The following LRRN3 variants were observed in gnomAD, a reference collection of about 807,000 sequenced individuals.
LRRN3 encodes the protein leucine rich repeat neuronal 3.
LRRN3 carries 15 observed loss-of-function variants against 40.1 expected under a neutral mutation model. That is an observed-to-expected ratio of 0.37 (90% CI 0.25 to 0.58). The LOEUF is 0.58. Among genes scored for constraint, LRRN3 ranks in the 20% least tolerant of loss-of-function variants. LRRN3 has a pLI of 0.72. For missense variants in LRRN3, 746 were observed against 837.7 expected (o/e 0.89, Z 1.35); for synonymous variants, 308 against 297.2 (o/e 1.04, Z -0.37).
intron 1 of LRRN3, among the ~76,000 whole-genome samples, chr7:111,093,366 G>T (rs898451784): frequency 1.3e-5 from 2 of 152,154 alleles, no homozygotes; most frequent in African/African-American, 4.8e-5. Flanking sequence ...TGCTGCTTTT[G>T]AAACAGACCA....
chr7:111,123,605 G>A lies in LRRN3; in HGVS notation c.833G>A (p.Gly278Asp). ...AATCCTATTAATAGAATACGAAGGG[G>A]TGATTTTAGCAATATGCTACACTTA... ...NKNPINRIRR[G>D]DFSNMLHLKE... Residue 278 changes from glycine to aspartate, a missense_variant, in exon 3 of 3, where the codon GGT becomes GAT. Physicochemically the swap from Gly to Asp is moderately conservative, Grantham distance 94. Transcript: ENST00000308478. The surrounding 1 kb of genome is among the most constrained non-coding windows in gnomAD (Gnocchi z 6.4). The A allele has an allele frequency of 6.2e-7, 1 of 1,613,296 alleles. No individual in the cohort carries two copies. Among genetic ancestry groups the A allele is most frequent in the Non-Finnish European group, 8.5e-7 (1 of 1,179,508 alleles).
intron 2 of LRRN3, among the ~76,000 whole-genome samples, chr7:111,110,328 T>C (rs1164269049): frequency 6.6e-6 from 1 of 152,186 alleles, no homozygotes; most frequent in Non-Finnish European, 1.5e-5. Flanking sequence ...CTAATATTTT[T>C]CAAGTCCATA....
intron 1 of LRRN3, among the ~76,000 whole-genome samples, chr7:111,094,515 C>T (rs1370227555): frequency 6.6e-6 from 1 of 152,124 alleles, no homozygotes; most frequent in African/African-American, 2.4e-5. Flanking sequence ...AGTTTAGCTA[C>T]TTATGTATCA....
rs78850537 is a variant in LRRN3 at position 111,119,949 on chromosome 7, G to T, written c.-358-2466G>T. Among the ~76,000 whole-genome samples, 3 of 152,308 alleles carry T rather than the reference G, an allele frequency of 2.0e-5. No homozygotes were observed. In the East Asian group the frequency reaches 5.8e-4, roughly 29 times the overall value. On this transcript the variant is annotated intron_variant, in intron 2 of 2. Coordinates refer to ENST00000308478, the MANE Select transcript of LRRN3 (RefSeq NM_001099658.2). The stretch of plus-strand genomic sequence containing the variant: ...CTTGTATGAAAGACTTCCCAGAGGG[G>T]AGATTCTTGAACTGAGGTTTGAAAA...
chr7:111,109,809 T>G (rs1798981735), intron 2 of LRRN3, among the ~76,000 whole-genome samples: 1 of 152,138 alleles, frequency 6.6e-6, no homozygotes, highest in Non-Finnish European at 1.5e-5. Context: ...TGTTATATGA[T>G]GGAAAACTGA....
chr7:111,118,118 A>C (rs1261658810), intron 2 of LRRN3, among the ~76,000 whole-genome samples: 1 of 152,148 alleles, frequency 6.6e-6, no homozygotes, highest in Non-Finnish European at 1.5e-5. Context: ...AGCATTGCAC[A>C]CATTTTTATT....
chr7:111,093,907 G>C (rs1436723872), intron 1 of LRRN3, among the ~76,000 whole-genome samples: 1 of 152,156 alleles, frequency 6.6e-6, no homozygotes, highest in Admixed American at 6.5e-5. Flanking sequence ...GCAACATGCT[G>C]AGTTAGAATG....
chr7:111,098,409 C>A (rs1480420252), intron 1 of LRRN3, among the ~76,000 whole-genome samples: 2 of 151,698 alleles, frequency 1.3e-5, no homozygotes, highest in East Asian at 3.9e-4. Flanking sequence ...ATATCAAAGT[C>A]TCATTTTTAT....
At chr7:111,094,826 T>A (rs547854825) in intron 1 of LRRN3, among the ~76,000 whole-genome samples, 3 of 152,206 alleles carry the variant, frequency 2.0e-5, no homozygotes, top group East Asian at 3.9e-4. Flanking sequence ...ATAAAGACAG[T>A]AGCTGGTGCC....
At chr7:111,116,945 C>A (rs138691520) in intron 2 of LRRN3, among the ~76,000 whole-genome samples, 1 of 152,260 alleles carries the variant, frequency 6.6e-6, no homozygotes, top group Non-Finnish European at 1.5e-5. Context: ...GAATTCACAT[C>A]TGAATTTAGA....
At chr7:111,103,910 A>G (rs915135945) in intron 2 of LRRN3, among the ~76,000 whole-genome samples, 4 of 151,578 alleles carry the variant, frequency 2.6e-5, no homozygotes, top group Non-Finnish European at 5.9e-5. Context: ...GGCTGCTTCT[A>G]TTGAACACCA....
intron 2 of LRRN3, among the ~76,000 whole-genome samples, chr7:111,113,253 C>G (rs1281181877): frequency 6.6e-6 from 1 of 152,196 alleles, no homozygotes; most frequent in Admixed American, 6.5e-5. Context: ...TTCTGTCAAA[C>G]TGAGTTAATC....
rs930005960 is a variant in LRRN3 at position 111,100,669 on chromosome 7, T to C, written c.-359+707T>C. On this transcript the variant is annotated intron_variant, in intron 2 of 2. Transcript: ENST00000308478. The stretch of plus-strand genomic sequence containing the variant: ...GTTGAAAATGCATAGAGCCAAAAGA[T>C]AAAAATTTAGGCTCTGGCTGAACTG... Among the ~76,000 whole-genome samples the C allele has an allele frequency of 7.7e-4, 116 of 151,356 alleles. 1 individual carries two copies. The highest frequency in any genetic ancestry group is 2.1e-4 in the Non-Finnish European group (14 of 67,578).
intron 2 of LRRN3, among the ~76,000 whole-genome samples, chr7:111,111,408 C>T (rs920820700): frequency 6.6e-6 from 1 of 151,114 alleles, no homozygotes; most frequent in South Asian, 2.1e-4. Context: ...TCCATCCCCC[C>T]CCAAAAAAAA....
In LRRN3 at chr7:111,123,924, C is replaced by T. The variant is rs142935034; in HGVS notation, c.1152C>T (p.Thr384=). The T allele has an allele frequency of 1.2e-5, 19 of 1,613,830 alleles. No individual in the cohort carries two copies. The highest frequency in any genetic ancestry group is 1.5e-5 in the Non-Finnish European group (18 of 1,179,990). Residue 384 remains threonine, a synonymous_variant, in exon 3 of 3, where the codon ACC becomes ACT. Coordinates refer to ENST00000308478, the MANE Select transcript of LRRN3 (RefSeq NM_001099658.2). The surrounding 1 kb of genome is among the most constrained non-coding windows in gnomAD (Gnocchi z 6.4). ...CVIRWMNMNK[T]NIRFMEPDSL... ...TCCGTTGGATGAACATGAACAAAAC[C>T]AACATTCGATTCATGGAGCCAGATT...
intron 2 of LRRN3, among the ~76,000 whole-genome samples, chr7:111,108,091 T>G (rs1798753241): frequency 6.6e-6 from 1 of 152,144 alleles, no homozygotes; most frequent in South Asian, 2.1e-4. Flanking sequence ...CAGTGTCTTC[T>G]GTAAGTGTCA....
rs1447215771 is a variant in LRRN3 at position 111,123,012 on chromosome 7, T to C, written c.240T>C (p.Asn80=). Residue 80 remains asparagine, a synonymous_variant, in exon 3 of 3, where the codon AAT becomes AAC. Coordinates refer to ENST00000308478, the MANE Select transcript of LRRN3 (RefSeq NM_001099658.2). This position sits in a 1 kb window ranked among gnomAD's most constrained non-coding sequence, Gnocchi z 6.4. ...AGATTCTTCTCCTACAGACTAACAA[T>C]ATTGCAAAAATTGAATACTCCACAG... ...NTQILLLQTN[N]IAKIEYSTDF... 8 of 1,613,946 alleles carry C rather than the reference T, an allele frequency of 5.0e-6. No individual in the cohort carries two copies. Among genetic ancestry groups the C allele is most frequent in the African/African-American group, 1.3e-5 (1 of 75,016 alleles).
At chr7:111,100,666 A>C (rs897222811) in intron 2 of LRRN3, among the ~76,000 whole-genome samples, 1 of 151,246 alleles carries the variant, frequency 6.6e-6, no homozygotes, top group Non-Finnish European at 1.5e-5. Context: ...TAGAGCCAAA[A>C]GATAAAAATT....
chr7:111,110,242 G>A (rs1437834545), intron 2 of LRRN3, among the ~76,000 whole-genome samples: 1 of 152,138 alleles, frequency 6.6e-6, no homozygotes, highest in East Asian at 1.9e-4. Flanking sequence ...CATCATTAGG[G>A]AAAATGATAT....
Sources: gnomAD v4.1 joint callset for allele counts (sites outside exome capture counted in the v4.1 genomes callset) on GRCh38, gnomAD v4.1.1 for gene constraint, Gnocchi (gnomAD v3.1) non-coding constraint, MANE v1.5 for transcripts, NCBI Gene and HGNC (gene_info 2026-07-23, HGNC 2026-07-21) for gene names.